MAGI1: variants seen among roughly 807,000 people sequenced by gnomAD.
The protein encoded by MAGI1 is membrane-associated guanylate kinase, WW and PDZ domain-containing protein 1.
MAGI1 carries 58 observed loss-of-function variants against 139.9 expected under a neutral mutation model. The observed-to-expected ratio is 0.41, with a 90% confidence interval of 0.34 to 0.52. The LOEUF is 0.52. Among genes scored for constraint, MAGI1 ranks in the 20% least tolerant of loss-of-function variants. The pLI is 0.12. For synonymous variants in MAGI1, 812 were observed against 737.9 expected (o/e 1.10, Z -1.63); for missense variants, 1,874 against 1,901.6 (o/e 0.99, Z 0.27).
intron 2 of MAGI1, among the ~76,000 whole-genome samples, chr3:65,521,390 G>A (rs1462272006): frequency 6.6e-6 from 1 of 152,074 alleles, no homozygotes; most frequent in Non-Finnish European, 1.5e-5. Flanking sequence ...GAAGGATGTT[G>A]GAAAGAAATG....
chr3:65,773,140 G>A (rs2107953901), intron 1 of MAGI1, among the ~76,000 whole-genome samples: 1 of 152,274 alleles, frequency 6.6e-6, no homozygotes, highest in East Asian at 1.9e-4. Flanking sequence ...ACCTGACAGA[G>A]TAGAAAAAGA....
intron 1 of MAGI1, among the ~76,000 whole-genome samples, chr3:65,665,585 T>C (rs1186002257): frequency 2.0e-5 from 3 of 152,260 alleles, no homozygotes; most frequent in African/African-American, 7.2e-5. Context: ...GATCAGTTGA[T>C]GAAAATGTGA....
intron 1 of MAGI1, among the ~76,000 whole-genome samples, chr3:65,961,585 AAAT>A (rs2064426357): frequency 6.6e-6 from 1 of 152,174 alleles, no homozygotes; most frequent in Non-Finnish European, 1.5e-5. Context: ...GTATCTTAGA[AAAT>A]AATATTAAAA....
rs145716267 is a variant in MAGI1, at chr3:65,418,154, C to T, written c.2167+11366G>A. Among the ~76,000 whole-genome samples, 26 of 152,268 alleles carry T rather than the reference C, an allele frequency of 1.7e-4. No individual in the cohort carries two copies. In the East Asian group the frequency reaches 4.8e-3, roughly 28 times the overall value. On this transcript the variant is annotated intron_variant, in intron 12 of 22. Transcript: ENST00000402939. ...ACTGTGGAGGCTGGGGCACTCTGCT[C>T]CAGTTCCAGCAGACTGTTGTCCATC...
chr3:65,983,535 C>T lies in MAGI1; in HGVS notation c.313+54461G>A, dbSNP rs190223175. On this transcript the variant is annotated intron_variant, in intron 1 of 22. Transcript: ENST00000402939. The stretch of plus-strand genomic sequence containing the variant: ...ATTTAGATAGCCTGATTCTAAGTTT[C>T]GGTGCTCTTCTCCAAATACAGTTTC... Among the ~76,000 whole-genome samples the T allele has an allele frequency of 3.9e-4, 60 of 152,240 alleles. No individual in the cohort carries two copies. The Middle Eastern group carries it at 0.01, about 26-fold the overall frequency.
At chr3:65,746,488 T>A (rs2035720143) in intron 1 of MAGI1, among the ~76,000 whole-genome samples, 1 of 152,192 alleles carries the variant, frequency 6.6e-6, no homozygotes, top group Non-Finnish European at 1.5e-5. Context: ...CAGAAATAAC[T>A]ATATCATTGA....
chr3:65,988,968 G>GTC (rs2066026251), intron 1 of MAGI1, among the ~76,000 whole-genome samples: 1 of 152,160 alleles, frequency 6.6e-6, no homozygotes, highest in East Asian at 1.9e-4. Context: ...GTAAGGATTA[G>GTC]TCTCCCCATC....
At chr3:65,399,355 G>A (rs1944667017) in intron 13 of MAGI1, among the ~76,000 whole-genome samples, 1 of 152,190 alleles carries the variant, frequency 6.6e-6, no homozygotes, top group Admixed American at 6.5e-5. Context: ...AACTGGGAAA[G>A]GGAAACCACT....
intron 1 of MAGI1, among the ~76,000 whole-genome samples, chr3:65,774,106 T>TAA (rs10622916): frequency 0.28 from 40,547 of 146,758 alleles, 6,047 homozygotes; most frequent in East Asian, 0.48. Context: ...ACTGGCTAGT[T>TAA]AAAAAAAAAA....
chr3:65,866,823 TCC>T (rs930908270), intron 1 of MAGI1, among the ~76,000 whole-genome samples: 12 of 151,792 alleles, frequency 7.9e-5, no homozygotes, highest in Non-Finnish European at 1.8e-4. Context: ...TAACTTGTGG[TCC>T]CTTACCAAGA....
At chr3:65,758,654 A>G (rs982047558) in intron 1 of MAGI1, among the ~76,000 whole-genome samples, 1 of 152,166 alleles carries the variant, frequency 6.6e-6, no homozygotes, top group Non-Finnish European at 1.5e-5. Context: ...TGCTACTGGC[A>G]TCTAGTGGGT....
In MAGI1 at chr3:65,743,329, C is replaced by T. The variant is rs373892270; in HGVS notation, c.314-121241G>A. Reference sequence around the variant, plus strand: ...GTCTAGAAGATTCCTAAGTGTTTGTCCACCAAGTTCTTTATATTCCACCAT... The same window carrying T: ...GTCTAGAAGATTCCTAAGTGTTTGTTCACCAAGTTCTTTATATTCCACCAT... On this transcript the variant is annotated intron_variant, in intron 1 of 22. Coordinates refer to ENST00000402939, the MANE Select transcript of MAGI1 (RefSeq NM_001033057.2). Among the ~76,000 whole-genome samples, 3 of 152,274 alleles carry T rather than the reference C, an allele frequency of 2.0e-5. No homozygotes were observed. The East Asian group carries it at 5.8e-4, about 29-fold the overall frequency.
intron 1 of MAGI1, among the ~76,000 whole-genome samples, chr3:65,877,712 T>A (rs989968887): frequency 2.6e-5 from 4 of 152,190 alleles, no homozygotes; most frequent in African/African-American, 9.6e-5. Context: ...CCCACCATCA[T>A]GCCTGGCTAA....
At chr3:65,918,818 C>G (rs2062031804) in intron 1 of MAGI1, among the ~76,000 whole-genome samples, 1 of 152,086 alleles carries the variant, frequency 6.6e-6, no homozygotes, top group African/African-American at 2.4e-5. Flanking sequence ...TTCAAATTAT[C>G]CCTACCAACA....
chr3:66,022,578 GT>G (rs2068022264), intron 1 of MAGI1, among the ~76,000 whole-genome samples: 2 of 152,182 alleles, frequency 1.3e-5, no homozygotes, highest in Non-Finnish European at 2.9e-5. Flanking sequence ...CTCATCTGCT[GT>G]CCTTACACTG....
intron 1 of MAGI1, among the ~76,000 whole-genome samples, chr3:65,733,302 C>T (rs1334990680): frequency 1.3e-5 from 2 of 152,116 alleles, no homozygotes; most frequent in African/African-American, 2.4e-5. Flanking sequence ...TCAGGTGATC[C>T]GCCCACCTCA....
chr3:65,460,916 T>A (rs971602384), intron 5 of MAGI1, among the ~76,000 whole-genome samples: 2 of 152,188 alleles, frequency 1.3e-5, no homozygotes, highest in Admixed American at 6.5e-5. Context: ...ACATGGTATA[T>A]ATGTGCCACA....
At chr3:65,978,842 G>T (rs2065401265) in intron 1 of MAGI1, among the ~76,000 whole-genome samples, 1 of 151,842 alleles carries the variant, frequency 6.6e-6, no homozygotes, top group African/African-American at 2.4e-5. Context: ...GGCCAGGCTG[G>T]TCTCAAACTC....
intron 1 of MAGI1, among the ~76,000 whole-genome samples, chr3:65,979,845 T>G (rs1345887856): frequency 6.6e-6 from 1 of 152,202 alleles, no homozygotes; most frequent in East Asian, 1.9e-4. Flanking sequence ...AGAATCAGTC[T>G]TCTCAATAAA....
Sources: gnomAD v4.1 joint callset for allele counts (sites outside exome capture counted in the v4.1 genomes callset) on GRCh38, gnomAD v4.1.1 for gene constraint, MANE v1.5 for transcripts, NCBI Gene and HGNC (gene_info 2026-07-23, HGNC 2026-07-21) for gene names.